Variants in DOCK8 observed in about 807,000 individuals in gnomAD.
The protein encoded by DOCK8 is dedicator of cytokinesis protein 8.
In DOCK8, 141 loss-of-function variants were observed where a neutral mutation model predicts 245.6. The ratio of observed to expected loss-of-function variants is 0.57; its 90% CI spans 0.50 to 0.66. The LOEUF (loss-of-function observed/expected upper bound fraction) is 0.66, where lower values mean the gene tolerates loss of function less well. DOCK8 is among the 30% of genes least tolerant of loss of function. The pLI is 0.00. For synonymous variants in DOCK8, 1,168 were observed against 970.2 expected (o/e 1.20, Z -3.79); for missense variants, 2,965 against 2,603.4 (o/e 1.14, Z -3.02).
At chr9:220,284 A>G (rs2046852349) in intron 1 of DOCK8, among the ~76,000 whole-genome samples, 1 of 152,240 alleles carries the variant, frequency 6.6e-6, no homozygotes, top group Admixed American at 6.5e-5. Flanking sequence ...GCCTTACAAA[A>G]TGTATGCTGA....
intron 12 of DOCK8, 93 bp downstream of exon 12, chr9:336,811 G>C (rs1170422002): frequency 6.8e-7 from 1 of 1,479,114 alleles, no homozygotes; most frequent in Admixed American, 1.7e-5. Context: ...GATTAAGAGA[G>C]CAAATTAGTT....
At chr9:342,907 C>T (rs1217143028) in intron 14 of DOCK8, among the ~76,000 whole-genome samples, 1 of 152,018 alleles carries the variant, frequency 6.6e-6, no homozygotes, top group African/African-American at 2.4e-5. Context: ...TTGTCTTTGC[C>T]CCTCTGTACA....
rs2131297753 is a variant in DOCK8, at chr9:382,507, G to A, written c.2606-6G>A. Reference sequence around the variant, plus strand: ...TGTTGACATGTCTCTGCCTGGTGGGGTGCAGGCGCTCCCACTGCCCTCCTA... The same window carrying A: ...TGTTGACATGTCTCTGCCTGGTGGGATGCAGGCGCTCCCACTGCCCTCCTA... On this transcript the variant is annotated splice_region_variant and splice_polypyrimidine_tract_variant and intron_variant, in intron 21 of 47. Transcript: ENST00000432829. 3 of 1,613,456 alleles carry A rather than the reference G, an allele frequency of 1.9e-6. No homozygotes were observed. The highest frequency in any genetic ancestry group is 2.5e-6 in the Non-Finnish European group (3 of 1,179,842).
chr9:222,321 G>A (rs1359445123), intron 1 of DOCK8, among the ~76,000 whole-genome samples: 1 of 151,924 alleles, frequency 6.6e-6, no homozygotes, highest in African/African-American at 2.4e-5. Context: ...ATAGTGTATA[G>A]AGTTTGATGG....
At chr9:279,992 C>T (rs2048510123) in intron 2 of DOCK8, among the ~76,000 whole-genome samples, 1 of 152,118 alleles carries the variant, frequency 6.6e-6, no homozygotes, top group South Asian at 2.1e-4. Context: ...TATCTGTATA[C>T]TACACTGTGT....
chr9:358,779 G>C (rs2052575548), intron 14 of DOCK8, among the ~76,000 whole-genome samples: 2 of 152,174 alleles, frequency 1.3e-5, no homozygotes, highest in South Asian at 4.1e-4. Context: ...AGCCCAGAAA[G>C]TGGAGGTTGC....
chr9:409,617 A>G (rs2055617487), intron 28 of DOCK8, among the ~76,000 whole-genome samples: 3 of 152,026 alleles, frequency 2.0e-5, no homozygotes, highest in Admixed American at 2.0e-4. Context: ...GTTCTAGGGT[A>G]CATGTATACA....
At chr9:402,009 C>T (rs2055134655) in intron 26 of DOCK8, among the ~76,000 whole-genome samples, 1 of 152,174 alleles carries the variant, frequency 6.6e-6, no homozygotes, top group South Asian at 2.1e-4. Flanking sequence ...TGCCCTCCCT[C>T]TTCAGTATTT....
intron 4 of DOCK8, among the ~76,000 whole-genome samples, chr9:303,073 T>C (rs553614124): frequency 3.9e-5 from 6 of 152,010 alleles, no homozygotes; most frequent in East Asian, 3.9e-4. Flanking sequence ...GGTGGGAAGA[T>C]TGCTTGAGCC....
At chr9:241,567 T>G (rs1032873146) in intron 1 of DOCK8, among the ~76,000 whole-genome samples, 18 of 152,224 alleles carry the variant, frequency 1.2e-4, no homozygotes, top group African/African-American at 4.1e-4. Context: ...GATTTCATTT[T>G]TTAATGGATA....
At chr9:429,144 A>T (rs12340831) in intron 35 of DOCK8, among the ~76,000 whole-genome samples, 17,085 of 151,914 alleles carry the variant, frequency 0.11, 1,471 homozygotes, top group African/African-American at 0.24. Flanking sequence ...TTTTTGTATT[A>T]TTAGTAGAGA....
chr9:418,203 C>T lies in DOCK8; in HGVS notation c.3836C>T (p.Ser1279Phe), dbSNP rs748601357. Reference sequence around the variant, plus strand: ...AAAACAAGTGGAATAGTGCTGTCTTCCTTGGTATGTTGGTGCACATGTGTC... The same window carrying T: ...AAAACAAGTGGAATAGTGCTGTCTTTCTTGGTATGTTGGTGCACATGTGTC... ...NLKTSGIVLS[S>F]LPYKQYNMLN... Residue 1279 changes from serine to phenylalanine, a missense_variant, in exon 30 of 48, where the codon TCC (serine) becomes TTC (phenylalanine). Ser to Phe is a radical substitution (Grantham distance 155, BLOSUM62 -2). Coordinates refer to ENST00000432829, the MANE Select transcript of DOCK8 (RefSeq NM_203447.4). 3 of 1,614,144 alleles carry T rather than the reference C, an allele frequency of 1.9e-6. No individual in the cohort carries two copies. Among genetic ancestry groups the T allele is most frequent in the East Asian group, 4.5e-5 (2 of 44,882 alleles).
intron 1 of DOCK8, among the ~76,000 whole-genome samples, chr9:232,954 G>C (rs955874325): frequency 1.3e-5 from 2 of 152,074 alleles, no homozygotes; most frequent in Non-Finnish European, 2.9e-5. Flanking sequence ...GAATGTGTTT[G>C]CTCTTGCTTC....
chr9:313,784 T>G (rs577210016), intron 6 of DOCK8, among the ~76,000 whole-genome samples: 1 of 152,226 alleles, frequency 6.6e-6, no homozygotes, highest in Non-Finnish European at 1.5e-5. Flanking sequence ...AAAGGTAAGT[T>G]GGTGAGGTGA....
chr9:214,845 G>A (rs1489302129), upstream of DOCK8: 3 of 1,601,416 alleles, frequency 1.9e-6, no homozygotes, highest in South Asian at 1.1e-5. Context: ...GTGGAAATGC[G>A]GAAGTTTCCA....
chr9:260,394 A>T (rs2047890232), intron 1 of DOCK8, among the ~76,000 whole-genome samples: 1 of 152,238 alleles, frequency 6.6e-6, no homozygotes, highest in South Asian at 2.1e-4. Flanking sequence ...AAATAAATGG[A>T]TTCTTGGTTC....
intron 26 of DOCK8, among the ~76,000 whole-genome samples, chr9:403,977 T>TAC (rs1229169828): frequency 2.2e-5 from 2 of 91,332 alleles, no homozygotes; most frequent in African/African-American, 1.4e-4. Context: ...TATATATATG[T>TAC]GTATATATAT....
chr9:214,365 ATATT>A (rs1178110137), upstream of DOCK8: 2 of 716,682 alleles, frequency 2.8e-6, no homozygotes, highest in Non-Finnish European at 4.6e-6. Context: ...TGAATCCATT[ATATT>A]TATTTAGTGT....
At chr9:388,275 C>G (rs10973577) in intron 23 of DOCK8, among the ~76,000 whole-genome samples, 33,601 of 152,064 alleles carry the variant, frequency 0.22, 3,785 homozygotes, top group Middle Eastern at 0.27. Context: ...AGCTTCACTT[C>G]AGACTCACAA....
Sources: allele counts gnomAD v4.1 joint callset (sites outside exome capture counted in the v4.1 genomes callset), GRCh38; gene constraint gnomAD v4.1.1; transcripts MANE v1.5; gene names NCBI Gene and HGNC (gene_info 2026-07-23, HGNC 2026-07-21).